The following CFAP20DC variants were observed in gnomAD, a reference collection of about 807,000 sequenced individuals.
The protein encoded by CFAP20DC is CFAP20 domain containing.
A neutral mutation model predicts 101.7 loss-of-function variants in CFAP20DC; 84 were observed. The observed-to-expected ratio is 0.83, with a 90% confidence interval of 0.69 to 0.99. The LOEUF (loss-of-function observed/expected upper bound fraction) is 0.99, where lower values mean the gene tolerates loss of function less well. Ranked by LOEUF, CFAP20DC falls within the 50% of genes least tolerant of loss-of-function variation. CFAP20DC has a pLI of 0.00. For synonymous variants in CFAP20DC, 359 were observed against 351.2 expected (o/e 1.02, Z -0.25); for missense variants, 1,007 against 970.3 (o/e 1.04, Z -0.50).
rs1258596069 is a variant in CFAP20DC at position 58,788,477 on chromosome 3, C to T, written c.2237+17918G>A. Among the ~76,000 whole-genome samples the T allele has an allele frequency of 6.6e-6, 1 of 152,080 alleles. No individual in the cohort carries two copies. The highest frequency in any genetic ancestry group is 1.9e-4 in the East Asian group (1 of 5,186). On this transcript the variant is annotated intron_variant, in intron 15 of 16. Transcript: ENST00000482387. This position sits in a 1 kb window ranked among gnomAD's most constrained non-coding sequence, Gnocchi z 4.2. ...AAAATTTCTTACCTTTAGTTTATCA[C>T]CTCAACTTCTAGCACGACTTTCCTA...
rs1007820865 is a variant in CFAP20DC, at chr3:58,892,066, C to T, written c.551-7357G>A. Reference sequence around the variant, plus strand: ...TGATGCATATGGCTAACCAGTTATCCCAGCATCATTTATTGAACAGGGAGT... The same window carrying T: ...TGATGCATATGGCTAACCAGTTATCTCAGCATCATTTATTGAACAGGGAGT... On this transcript the variant is annotated intron_variant, in intron 6 of 16. Coordinates refer to ENST00000482387, the MANE Select transcript of CFAP20DC (RefSeq NM_001394063.1). The surrounding 1 kb of genome is among the most constrained non-coding windows in gnomAD (Gnocchi z 4.0). 6.6e-6 allele frequency among the ~76,000 whole-genome samples: 1 copy of T among 152,156 alleles called. No individual in the cohort carries two copies. Among genetic ancestry groups the T allele is most frequent in the Non-Finnish European group, 1.5e-5 (1 of 68,032 alleles).
In CFAP20DC at chr3:58,861,465, T is replaced by G. The variant is rs2079242181; in HGVS notation, c.1593+2093A>C. 2 of 906,376 alleles carry G rather than the reference T, an allele frequency of 2.2e-6. No homozygotes were observed. The highest frequency in any genetic ancestry group is 1.3e-6 in the Non-Finnish European group (1 of 758,046). 56.1% of individuals were successfully genotyped at this position (906,376 alleles called of 1,614,324 possible). A position where few individuals can be genotyped will look rare whatever the true frequency, so the allele number is the denominator to read the frequency against. ...AAATAAACATTGTAAATATGTAGCC[T>G]AATTTCCCATTGATTTATACAATTA... On this transcript the variant is annotated intron_variant, in intron 12 of 16. Transcript: ENST00000482387. The surrounding 1 kb of genome is among the most constrained non-coding windows in gnomAD (Gnocchi z 4.0).
chr3:58,939,758 CA>C (rs2088254525), intron 4 of CFAP20DC, among the ~76,000 whole-genome samples: 3 of 138,890 alleles, frequency 2.2e-5, no homozygotes, highest in Admixed American at 7.2e-5. Flanking sequence ...GTGCCCGGCC[CA>C]TTTTTTTTTT....
Position 58,722,330 on chromosome 3 carries a change from T to G in CFAP20DC, c.198-4702A>C, listed in dbSNP as rs2067484318. ...AAGCTGTCCACGGAACCCATGCGTG[T>G]ACTACTATGGTAGTGGTCTTATATC... On this transcript the variant is annotated intron_variant, in intron 3 of 3. Coordinates refer to the CFAP20DC transcript ENST00000486145. This position sits in a 1 kb window ranked among gnomAD's most constrained non-coding sequence, Gnocchi z 4.5. Among the ~76,000 whole-genome samples, 1 of 152,210 alleles carries G rather than the reference T, an allele frequency of 6.6e-6. No homozygotes were observed. Among genetic ancestry groups the G allele is most frequent in the Non-Finnish European group, 1.5e-5 (1 of 68,034 alleles).
Position 58,725,501 on chromosome 3 carries a change from G to C in CFAP20DC, c.198-7873C>G, listed in dbSNP as rs192703970. Among the ~76,000 whole-genome samples the C allele has an allele frequency of 2.6e-5, 4 of 152,258 alleles. No homozygotes were observed. The East Asian group carries it at 7.7e-4, about 29-fold the overall frequency. ...GTAACAGTCTGACTGTAACCAACAC[G>C]ACGGGTGGTTCAATCACCTGACAGG... On this transcript the variant is annotated intron_variant, in intron 3 of 3. Coordinates refer to the CFAP20DC transcript ENST00000486145.
At chr3:58,926,760 AAAGAGT>A (rs567556195) in intron 5 of CFAP20DC, among the ~76,000 whole-genome samples, 13 of 152,202 alleles carry the variant, frequency 8.5e-5, no homozygotes, top group Non-Finnish European at 1.8e-4. Context: ...AATAGCTCCT[AAAGAGT>A]AATTTTATCC....
intron 4 of CFAP20DC, among the ~76,000 whole-genome samples, chr3:58,957,413 T>C (rs954500435): frequency 6.6e-6 from 1 of 152,104 alleles, no homozygotes; most frequent in African/African-American, 2.4e-5. Context: ...GGAATGTAAA[T>C]TAGTACAGCC....
intron 6 of CFAP20DC, among the ~76,000 whole-genome samples, chr3:58,890,757 C>T (rs1378101238): frequency 2.0e-5 from 3 of 150,154 alleles, no homozygotes; most frequent in Non-Finnish European, 4.4e-5. Flanking sequence ...GGGTTGCGGC[C>T]GGGCAGAGGC....
At chr3:58,922,730 T>G (rs1012444905) in intron 5 of CFAP20DC, among the ~76,000 whole-genome samples, 16 of 152,198 alleles carry the variant, frequency 1.1e-4, no homozygotes, top group African/African-American at 3.9e-4. Context: ...AAACCTTTTT[T>G]GTTTATAAAT....
At chr3:58,818,976 G>T (rs1021479296) in intron 14 of CFAP20DC, among the ~76,000 whole-genome samples, 1 of 150,324 alleles carries the variant, frequency 6.7e-6, no homozygotes, top group African/African-American at 2.5e-5. Flanking sequence ...TAGAACTCAG[G>T]ATTAAGAATC....
At chr3:58,857,425 G>C (rs1370723250) in intron 12 of CFAP20DC, among the ~76,000 whole-genome samples, 1 of 152,120 alleles carries the variant, frequency 6.6e-6, no homozygotes, top group Admixed American at 6.6e-5. Flanking sequence ...TCATGAGTAT[G>C]TACATGGACA....
intron 3 of CFAP20DC, among the ~76,000 whole-genome samples, chr3:58,736,157 A>C (rs2067749829): frequency 6.6e-6 from 1 of 152,222 alleles, no homozygotes; most frequent in Non-Finnish European, 1.5e-5. Flanking sequence ...AAACACAAGT[A>C]TTGGAGGGAA....
At chr3:58,925,756 A>G (rs1680240570) in intron 5 of CFAP20DC, among the ~76,000 whole-genome samples, 1 of 152,222 alleles carries the variant, frequency 6.6e-6, no homozygotes, top group African/African-American at 2.4e-5. Context: ...ACTAAATCAG[A>G]GAGATCAACT....
Position 59,026,344 on chromosome 3 carries a change from T to C in CFAP20DC, c.278+13213A>G, listed in dbSNP as rs981579247. Reference sequence around the variant, plus strand: ...TAGTTCTCAACACATAGTTTAGAGATGTATTCCCTTGGTGACATAAAAGAT... The same window carrying C: ...TAGTTCTCAACACATAGTTTAGAGACGTATTCCCTTGGTGACATAAAAGAT... On this transcript the variant is annotated intron_variant, in intron 4 of 16. Transcript: ENST00000482387. Among the ~76,000 whole-genome samples, 5 of 152,322 alleles carry C rather than the reference T, an allele frequency of 3.3e-5. 1 individual carries two copies. The South Asian group carries it at 1.0e-3, about 32-fold the overall frequency.
At chr3:58,949,640 C>G (rs989697883) in intron 4 of CFAP20DC, among the ~76,000 whole-genome samples, 11 of 151,976 alleles carry the variant, frequency 7.2e-5, no homozygotes, top group African/African-American at 2.4e-4. Context: ...CACAATCCAG[C>G]ATATAAACAG....
At chr3:58,955,243 A>G (rs2090520770) in intron 4 of CFAP20DC, among the ~76,000 whole-genome samples, 1 of 152,156 alleles carries the variant, frequency 6.6e-6, no homozygotes, top group Admixed American at 6.6e-5. Context: ...CACCTTCATA[A>G]GAACCAAAAA....
Position 59,032,341 on chromosome 3 carries a change from G to A in CFAP20DC, c.278+7216C>T, listed in dbSNP as rs111427259. Among the ~76,000 whole-genome samples the A allele has an allele frequency of 9.9e-5, 15 of 151,930 alleles. No individual in the cohort carries two copies. In the East Asian group the frequency reaches 2.3e-3, roughly 24 times the overall value. On this transcript the variant is annotated intron_variant, in intron 4 of 16. Coordinates refer to ENST00000482387, the MANE Select transcript of CFAP20DC (RefSeq NM_001394063.1). The stretch of plus-strand genomic sequence containing the variant: ...TCCCAGTGGCACCTGGAATGCCAGC[G>A]AGACAGAACCATTCACTCCCCGGGA...
chr3:58,869,276 A>C lies in CFAP20DC; in HGVS notation c.1015+52T>G. Reference sequence around the variant, plus strand: ...ACTGCTGATTTATCTTAACAAGAACATTTCTCACTATTTTCACTAGCTATC... The same window carrying C: ...ACTGCTGATTTATCTTAACAAGAACCTTTCTCACTATTTTCACTAGCTATC... On this transcript the variant is annotated intron_variant, in intron 9 of 16. Transcript: ENST00000482387. The surrounding 1 kb of genome is among the most constrained non-coding windows in gnomAD (Gnocchi z 4.3). 1 of 1,419,936 alleles carries C rather than the reference A, an allele frequency of 7.0e-7. No homozygotes were observed. Among genetic ancestry groups the C allele is most frequent in the Non-Finnish European group, 9.7e-7 (1 of 1,032,144 alleles). 88.0% of individuals were successfully genotyped at this position (1,419,936 alleles called of 1,614,324 possible). A position where few individuals can be genotyped will look rare whatever the true frequency, so the allele number is the denominator to read the frequency against.
In CFAP20DC at chr3:59,046,332, A is replaced by G. The variant is rs770829814; in HGVS notation, c.112-10T>C. On this transcript the variant is annotated splice_polypyrimidine_tract_variant and intron_variant, in intron 2 of 16. Transcript: ENST00000482387. ...CTTCTTTATCAAACTCCTATAGAACAAAATGAAAACAGTAGTTATCACAGG... is the reference window on the plus strand; with the variant it reads ...CTTCTTTATCAAACTCCTATAGAACGAAATGAAAACAGTAGTTATCACAGG... The G allele has an allele frequency of 6.7e-7, 1 of 1,486,758 alleles. No individual in the cohort carries two copies. The highest frequency in any genetic ancestry group is 1.3e-5 in the South Asian group (1 of 79,150). The allele number at this position is 1,486,758 out of a possible 1,614,324, so 92.1% of individuals were successfully genotyped here.
Sources: allele counts gnomAD v4.1 joint callset (sites outside exome capture counted in the v4.1 genomes callset), GRCh38; gene constraint gnomAD v4.1.1; non-coding constraint Gnocchi (gnomAD v3.1); transcripts MANE v1.5; gene names NCBI Gene and HGNC (gene_info 2026-07-23, HGNC 2026-07-21).